PMPCB: variants seen among roughly 807,000 people sequenced by gnomAD.
PMPCB encodes the protein mitochondrial-processing peptidase subunit beta.
In PMPCB, 46 loss-of-function variants were observed where a neutral mutation model predicts 61.5. That is an observed-to-expected ratio of 0.75 (90% CI 0.59 to 0.96). PMPCB has a LOEUF of 0.96. Among genes scored for constraint, PMPCB ranks in the 40% least tolerant of loss-of-function variants. The pLI, the probability that PMPCB is intolerant of heterozygous loss-of-function variation, is 0.00. For synonymous variants in PMPCB, 191 were observed against 201.6 expected (o/e 0.95, Z 0.44); for missense variants, 590 against 602.4 (o/e 0.98, Z 0.22).
At chr7:103,338,069 C>G in the PMPCB span, among the ~76,000 whole-genome samples, 2 of 151,992 alleles carry the variant, frequency 1.3e-5, no homozygotes, top group African/African-American at 4.8e-5. Flanking sequence ...AATATGAGGC[C>G]AGCCTGGGCA....
At chr7:103,301,028 T>TA (rs1817436509) in intron 4 of PMPCB, among the ~76,000 whole-genome samples, 1 of 152,242 alleles carries the variant, frequency 6.6e-6, no homozygotes, top group Non-Finnish European at 1.5e-5. Flanking sequence ...TAGTTGTAGT[T>TA]ACTACTTTGC....
intron 12 of PMPCB, chr7:103,322,796 TATAAA>T: frequency 6.2e-7 from 1 of 1,600,122 alleles, no homozygotes; most frequent in Non-Finnish European, 8.5e-7. Context: ...TCATCACGAC[TATAAA>T]ATAGAAAATA....
At chr7:103,326,202 T>G (rs1409533851) in intron 12 of PMPCB, among the ~76,000 whole-genome samples, 1 of 152,168 alleles carries the variant, frequency 6.6e-6, no homozygotes, top group Non-Finnish European at 1.5e-5. Flanking sequence ...GGTCTTGAAC[T>G]CCTGACCTCA....
chr7:103,307,850 C>G (rs746520437), intron 7 of PMPCB, 142 bp downstream of exon 7: 1 of 582,030 alleles, frequency 1.7e-6, no homozygotes, highest in Admixed American at 3.1e-5. Context: ...CATTTGCTTA[C>G]ATTCCTTCCT....
At chr7:103,327,298 T>C in intron 12 of PMPCB, 1 of 1,136,018 alleles carries the variant, frequency 8.8e-7, no homozygotes. Context: ...AAAAAAAAAA[T>C]CTTAGTATTC....
downstream of PMPCB, among the ~76,000 whole-genome samples, chr7:103,318,277 A>AG: frequency 6.6e-6 from 1 of 152,074 alleles, no homozygotes; most frequent in East Asian, 1.9e-4. Flanking sequence ...GTAATCCTCT[A>AG]ACCTCAGCCT....
chr7:103,327,051 A>G (rs1006193466), intron 12 of PMPCB, among the ~76,000 whole-genome samples: 2 of 152,268 alleles, frequency 1.3e-5, no homozygotes, highest in East Asian at 1.9e-4. Flanking sequence ...ACTGGCAAAG[A>G]GTAAATATGA....
At chr7:103,346,903 G>A in the PMPCB span, among the ~76,000 whole-genome samples, 1 of 151,998 alleles carries the variant, frequency 6.6e-6, no homozygotes, top group Non-Finnish European at 1.5e-5. Context: ...TATGTAGATG[G>A]ACACTTGGGT....
At chr7:103,315,443 A>G (rs1345929489), downstream of PMPCB, among the ~76,000 whole-genome samples, 1 of 152,130 alleles carries the variant, frequency 6.6e-6, no homozygotes, top group Admixed American at 6.6e-5. Flanking sequence ...TAATTACAGT[A>G]CATTTCTCAA....
intron 12 of PMPCB, chr7:103,323,809 G>A (rs1818554661): frequency 4.8e-6 from 3 of 627,130 alleles, no homozygotes; most frequent in Non-Finnish European, 4.7e-6. Flanking sequence ...CTTTTTTAAG[G>A]ACATTGCATT....
chr7:103,300,375 TTTA>T, intron 4 of PMPCB, 68 bp downstream of exon 4: 1 of 1,263,256 alleles, frequency 7.9e-7, no homozygotes, highest in Non-Finnish European at 1.1e-6. Context: ...TAGTACTATT[TTTA>T]TTATGTCTGT....
chr7:103,323,221 C>T (rs575792051), intron 12 of PMPCB, among the ~76,000 whole-genome samples: 3 of 152,166 alleles, frequency 2.0e-5, no homozygotes, highest in South Asian at 2.1e-4. Context: ...TGAGCCAGCA[C>T]GCCCGGCCTA....
rs771314986 is a variant in PMPCB at position 103,308,955 on chromosome 7, C to T, written c.853C>T (p.Arg285Cys). ...PPCKFTGSEIRVRDDKMPLAH... is the reference protein window; with the variant it reads ...PPCKFTGSEICVRDDKMPLAH... ...CCTCCTGCTTTATCTTAACTAGATTCGTGTGAGGGATGACAAGATGCCTTT... is the reference window on the plus strand; with the variant it reads ...CCTCCTGCTTTATCTTAACTAGATTTGTGTGAGGGATGACAAGATGCCTTT... Residue 285 changes from arginine to cysteine, a missense_variant, in exon 8 of 13, where the codon CGT (arginine) becomes TGT (cysteine). By Grantham distance (180) the Arg-to-Cys change is radical. Coordinates refer to ENST00000249269, the MANE Select transcript of PMPCB (RefSeq NM_004279.3). 33 of 1,579,266 alleles carry T rather than the reference C, an allele frequency of 2.1e-5. 1 individual carries two copies. In the South Asian group the frequency reaches 2.8e-4, roughly 13 times the overall value.
chr7:103,300,632 T>A (rs1015783546), intron 4 of PMPCB, among the ~76,000 whole-genome samples: 1 of 152,216 alleles, frequency 6.6e-6, no homozygotes, highest in African/African-American at 2.4e-5. Flanking sequence ...ACAAAACATT[T>A]CCCAGTGGAA....
At chr7:103,317,024 T>C (rs1818101376), downstream of PMPCB, 1 of 1,610,490 alleles carries the variant, frequency 6.2e-7, no homozygotes, top group East Asian at 2.2e-5. Context: ...TCTGCACAAA[T>C]ATCATAAGTC....
Position 103,310,383 on chromosome 7 carries a change from C to G in PMPCB, c.1062C>G (p.Asn354Lys). ...GNLCHSFQSF[N>K]TSYTDTGLWG... ...TTTGCCATAGCTTTCAGTCTTTCAA[C>G]ACTTCCTACACAGATACAGGATTAT... is the stretch of plus-strand genomic sequence containing the variant. The change falls in exon 9 of 13, where the codon AAC becomes AAG. Residue 354 changes from asparagine (N) to lysine (K), a missense_variant. By Grantham distance (94) the Asn-to-Lys change is moderately conservative. Transcript: ENST00000249269. 6.2e-7 allele frequency: 1 copy of G among 1,613,320 alleles called. No homozygotes were observed. The highest frequency in any genetic ancestry group is 8.5e-7 in the Non-Finnish European group (1 of 1,179,318).
At chr7:103,319,669 G>A (rs747655475), downstream of PMPCB, 4 of 1,613,740 alleles carry the variant, frequency 2.5e-6, no homozygotes. Flanking sequence ...TTTCATTCAA[G>A]CACTGTAAGC....
chr7:103,343,060 C>A, the PMPCB span, among the ~76,000 whole-genome samples: 2 of 151,918 alleles, frequency 1.3e-5, no homozygotes. Flanking sequence ...AGTGCAATAG[C>A]GCAATCTCGG....
chr7:103,313,240 T>C lies in PMPCB; in HGVS notation c.*969T>C. 2 of 1,430,298 alleles carry C rather than the reference T, an allele frequency of 1.4e-6. No homozygotes were observed. The highest frequency in any genetic ancestry group is 9.1e-7 in the Non-Finnish European group (1 of 1,096,696). 88.6% of individuals were successfully genotyped at this position (1,430,298 alleles called of 1,614,324 possible). A position where few individuals can be genotyped will look rare whatever the true frequency, so the allele number is the denominator to read the frequency against. On this transcript the variant is annotated 3_prime_UTR_variant, in exon 13 of 13. Transcript: ENST00000249269. ...AAAATAAACTTGTAGAGATGAGAGA[T>C]ACATATAGCCCTCTGAGTGTTAATA... is the stretch of plus-strand genomic sequence containing the variant.
Sources: gnomAD v4.1 joint callset for allele counts (sites outside exome capture counted in the v4.1 genomes callset) on GRCh38, gnomAD v4.1.1 for gene constraint, MANE v1.5 for transcripts, NCBI Gene and HGNC (gene_info 2026-07-23, HGNC 2026-07-21) for gene names.